NHSL1: variants seen among roughly 807,000 people sequenced by gnomAD.
NHSL1 encodes the protein NHS like 1.
In NHSL1, 48 loss-of-function variants were observed where a neutral mutation model predicts 95.0. The observed-to-expected ratio is 0.51, with a 90% CI of 0.40 to 0.64. The LOEUF is 0.64. Among genes scored for constraint, NHSL1 ranks in the 30% least tolerant of loss-of-function variants. The probability of loss-of-function intolerance (pLI) is 0.00; values close to 1 mark genes in which losing one functional copy is unlikely to be tolerated. For synonymous variants in NHSL1, 783 were observed against 833.9 expected, an observed-to-expected ratio of 0.94 and a Z score of 1.05; for missense variants, 1,971 against 2,077.7, an observed-to-expected ratio of 0.95 and a Z score of 1.00.
chr6:138,425,823 C>T (rs961100247), intron 7 of NHSL1, among the ~76,000 whole-genome samples: 9 of 150,514 alleles, frequency 6.0e-5, no homozygotes. Flanking sequence ...CATGTGCCAA[C>T]TTCTAAAATC....
At chr6:138,621,981 C>T (rs1158725818) in intron 1 of NHSL1, among the ~76,000 whole-genome samples, 1 of 152,124 alleles carries the variant, frequency 6.6e-6, no homozygotes, top group African/African-American at 2.4e-5. Flanking sequence ...AGAATAATGC[C>T]ACCTAATTTG....
At chr6:138,579,160 C>A (rs938567922) in intron 1 of NHSL1, among the ~76,000 whole-genome samples, 105 of 152,204 alleles carry the variant, frequency 6.9e-4, no homozygotes, top group African/African-American at 2.4e-3. Context: ...GCAATGCTCG[C>A]TTGCCCACAG....
chr6:138,522,968 A>C (rs1781745302), intron 1 of NHSL1, among the ~76,000 whole-genome samples: 1 of 152,232 alleles, frequency 6.6e-6, no homozygotes, highest in Non-Finnish European at 1.5e-5. Context: ...GCTAGGAATT[A>C]TTTCCTGAAT....
intron 1 of NHSL1, among the ~76,000 whole-genome samples, chr6:138,657,531 A>C (rs1007741530): frequency 6.6e-6 from 1 of 152,106 alleles, no homozygotes; most frequent in African/African-American, 2.4e-5. Context: ...AAAAGAGTCT[A>C]GGCTGGGCGC....
At chr6:138,653,715 T>C (rs977780432) in intron 1 of NHSL1, among the ~76,000 whole-genome samples, 3 of 152,224 alleles carry the variant, frequency 2.0e-5, no homozygotes, top group African/African-American at 7.2e-5. Flanking sequence ...AGATTCTCCA[T>C]ACCAGCATTC....
At chr6:138,478,476 TCTC>T (rs984840125) in intron 2 of NHSL1, among the ~76,000 whole-genome samples, 24 of 152,218 alleles carry the variant, frequency 1.6e-4, no homozygotes, top group African/African-American at 5.5e-4. Flanking sequence ...TTCAGAAAAT[TCTC>T]CTCTTGTCAA....
At chr6:138,518,283 C>T (rs1439325229) in intron 1 of NHSL1, among the ~76,000 whole-genome samples, 1 of 152,092 alleles carries the variant, frequency 6.6e-6, no homozygotes, top group African/African-American at 2.4e-5. Context: ...CAAGAATTCA[C>T]CCAGTAGCAT....
At chr6:138,606,780 G>A (rs1259396379) in intron 1 of NHSL1, among the ~76,000 whole-genome samples, 3 of 145,116 alleles carry the variant, frequency 2.1e-5, no homozygotes, top group South Asian at 2.2e-4. Context: ...TCAGCTCACT[G>A]CAAGCTCCGC....
Position 138,624,068 on chromosome 6 carries a change from C to T in NHSL1, c.96+68408G>A, listed in dbSNP as rs117257620. 5.5e-3 allele frequency among the ~76,000 whole-genome samples: 830 copies of T among 152,186 alleles called. 11 individuals are homozygous for T. The East Asian group carries it at 0.073, about 13-fold the overall frequency. On this transcript the variant is annotated intron_variant, in intron 1 of 3. Transcript: ENST00000491526. ...CTTTCCTTTATAAATTACCTAGTCT[C>T]GGGTATTTCTTCATAACAGTGTGAG...
intron 1 of NHSL1, among the ~76,000 whole-genome samples, chr6:138,589,796 CT>C (rs1352418570): frequency 6.6e-6 from 1 of 152,162 alleles, no homozygotes; most frequent in Admixed American, 6.5e-5. Flanking sequence ...CTCTCCTCAG[CT>C]GGCTGCTCCT....
chr6:138,556,649 T>G (rs760637495), intron 1 of NHSL1, among the ~76,000 whole-genome samples: 1 of 151,616 alleles, frequency 6.6e-6, no homozygotes, highest in African/African-American at 2.4e-5. Flanking sequence ...ACTGGGATAT[T>G]AGTGGTTCAT....
In NHSL1 at chr6:138,424,896, G is replaced by T; in HGVS notation, c.4086-80C>A. The T allele has an allele frequency of 1.8e-6, 2 of 1,120,276 alleles. No individual in the cohort carries two copies. Among genetic ancestry groups the T allele is most frequent in the Non-Finnish European group, 1.3e-6 (1 of 797,862 alleles). The allele number at this position is 1,120,276 out of a possible 1,614,324, so 69.4% of individuals were successfully genotyped here. A position where few individuals can be genotyped will look rare whatever the true frequency, so the allele number is the denominator to read the frequency against. ...CAGCCACAACCACTCTGCTCTTATC[G>T]CATCTTCAGGTCACCATCTACTTAA... is the stretch of plus-strand genomic sequence containing the variant. On this transcript the variant is annotated intron_variant, in intron 7 of 7. Transcript: ENST00000343505. The surrounding 1 kb of genome is among the most constrained non-coding windows in gnomAD (Gnocchi z 5.9).
At chr6:138,464,699 CTTTTT>C (rs146434894) in intron 3 of NHSL1, among the ~76,000 whole-genome samples, 1 of 137,334 alleles carries the variant, frequency 7.3e-6, no homozygotes, top group Non-Finnish European at 1.6e-5. Context: ...TTTCTCTTCA[CTTTTT>C]TTTTTCTTTT....
upstream of NHSL1, among the ~76,000 whole-genome samples, chr6:138,547,662 C>T (rs569573461): frequency 6.6e-6 from 1 of 152,254 alleles, no homozygotes; most frequent in Admixed American, 6.5e-5. Flanking sequence ...GGATTACAGG[C>T]GTGAGCCACC....
intron 1 of NHSL1, among the ~76,000 whole-genome samples, chr6:138,587,210 C>T (rs1232758965): frequency 6.6e-6 from 1 of 151,316 alleles, no homozygotes; most frequent in East Asian, 2.0e-4. Flanking sequence ...TGATCTCAGG[C>T]GATCCGCCCA....
intron 1 of NHSL1, among the ~76,000 whole-genome samples, chr6:138,507,574 G>C (rs1781024107): frequency 6.6e-6 from 1 of 152,182 alleles, no homozygotes; most frequent in Non-Finnish European, 1.5e-5. Context: ...AATTTTTACA[G>C]TTGCATAATG....
chr6:138,491,316 T>G (rs1296284476), intron 2 of NHSL1, among the ~76,000 whole-genome samples: 1 of 152,222 alleles, frequency 6.6e-6, no homozygotes, highest in Non-Finnish European at 1.5e-5. Flanking sequence ...TCTCTCAAGT[T>G]GGGCTTTTTG....
At chr6:138,440,643 T>C (rs1053879628) in intron 5 of NHSL1, among the ~76,000 whole-genome samples, 1 of 152,252 alleles carries the variant, frequency 6.6e-6, no homozygotes, top group Admixed American at 6.5e-5. Context: ...CAAAAGTGGA[T>C]GGCAGTAAAG....
chr6:138,560,859 C>T (rs1783384524), intron 1 of NHSL1, among the ~76,000 whole-genome samples: 1 of 152,128 alleles, frequency 6.6e-6, no homozygotes, highest in South Asian at 2.1e-4. Flanking sequence ...TTTCTAGTTA[C>T]AAAGTTAAAG....
Sources: allele counts gnomAD v4.1 joint callset (sites outside exome capture counted in the v4.1 genomes callset), GRCh38; gene constraint gnomAD v4.1.1; non-coding constraint Gnocchi (gnomAD v3.1); transcripts MANE v1.5; gene names NCBI Gene and HGNC (gene_info 2026-07-23, HGNC 2026-07-21).